The following LPCAT1 variants were observed in gnomAD, a reference collection of about 807,000 sequenced individuals.
LPCAT1 encodes the protein 1-acylglycerol-3-phosphate O-acyltransferase.
A neutral mutation model predicts 60.9 loss-of-function variants in LPCAT1; 23 were observed. That is an observed-to-expected ratio of 0.38 (90% CI 0.27 to 0.53). LPCAT1 has a LOEUF of 0.53. LPCAT1 is among the 20% of genes least tolerant of loss of function. The probability of loss-of-function intolerance (pLI) is 0.82; values close to 1 mark genes in which losing one functional copy is unlikely to be tolerated. For missense variants in LPCAT1, 622 were observed against 723.6 expected (o/e 0.86, Z 1.61); for synonymous variants, 340 against 301.1 (o/e 1.13, Z -1.34).
At chr5:1,503,127 AGAT>A (rs1736076477) in intron 1 of LPCAT1, among the ~76,000 whole-genome samples, 1 of 152,150 alleles carries the variant, frequency 6.6e-6, no homozygotes, top group South Asian at 2.1e-4. Flanking sequence ...ACGCAGATCT[AGAT>A]GATGTTTGGT....
rs1311010953 is a variant in LPCAT1 at position 1,496,760 on chromosome 5, G to A, written c.279-1846C>T. Among the ~76,000 whole-genome samples the A allele has an allele frequency of 1.3e-5, 2 of 152,190 alleles. No homozygotes were observed. The highest frequency in any genetic ancestry group is 2.9e-5 in the Non-Finnish European group (2 of 68,040). On this transcript the variant is annotated intron_variant, in intron 2 of 13. Transcript: ENST00000283415. This position sits in a 1 kb window ranked among gnomAD's most constrained non-coding sequence, Gnocchi z 4.7. ...AATTTTATACCCAAACTATCCACAT[G>A]TGAAAACCCGGACTGCTGGTGTGGA... is the stretch of plus-strand genomic sequence containing the variant.
intron 1 of LPCAT1, among the ~76,000 whole-genome samples, chr5:1,504,675 T>C (rs1352383273): frequency 1.3e-5 from 2 of 149,642 alleles, no homozygotes; most frequent in Non-Finnish European, 2.9e-5. Flanking sequence ...GATCGCGCCA[T>C]TGCGCTCTAG....
Position 1,481,838 on chromosome 5 carries a change from T to C in LPCAT1, c.727-862A>G, listed in dbSNP as rs1735155169. ...GGAAGAGGTCTTTCAGTCGTGTGACTACCGGCCCTGACTCCATTTTATTAC... is the reference window on the plus strand; with the variant it reads ...GGAAGAGGTCTTTCAGTCGTGTGACCACCGGCCCTGACTCCATTTTATTAC... On this transcript the variant is annotated intron_variant, in intron 6 of 13. Transcript: ENST00000283415. The surrounding 1 kb of genome is among the most constrained non-coding windows in gnomAD (Gnocchi z 7.8). 6.6e-6 allele frequency among the ~76,000 whole-genome samples: 1 copy of C among 152,244 alleles called. No individual in the cohort carries two copies. The highest frequency in any genetic ancestry group is 2.4e-5 in the African/African-American group (1 of 41,464).
intron 5 of LPCAT1, among the ~76,000 whole-genome samples, chr5:1,485,135 A>G (rs1224714824): frequency 6.6e-6 from 1 of 152,198 alleles, no homozygotes; most frequent in Non-Finnish European, 1.5e-5. Flanking sequence ...TCAGCCGACC[A>G]TCCCGACCAT....
chr5:1,520,860 C>CAAAAAAAA (rs59074953), intron 1 of LPCAT1, among the ~76,000 whole-genome samples: 4 of 82,038 alleles, frequency 4.9e-5, no homozygotes, highest in African/African-American at 1.5e-4. Context: ...GAGACTGTCT[C>CAAAAAAAA]AAAAAAAAAA....
rs1335996146 is a variant in LPCAT1 at position 1,480,878 on chromosome 5, C to G, written c.761+64G>C. 2.6e-5 allele frequency: 42 copies of G among 1,593,924 alleles called. No homozygotes were observed. Among genetic ancestry groups the G allele is most frequent in the Admixed American group, 5.0e-5 (3 of 59,960 alleles). On this transcript the variant is annotated intron_variant, in intron 7 of 13. Transcript: ENST00000283415. This position sits in a 1 kb window ranked among gnomAD's most constrained non-coding sequence, Gnocchi z 6.4. ...AAGTAACTAGCGTGCACAGCAGACC[C>G]CAAGCAGCCCCTACGTGTTCATGGA...
chr5:1,494,011 G>A (rs1735685643), intron 3 of LPCAT1, among the ~76,000 whole-genome samples: 1 of 152,242 alleles, frequency 6.6e-6, no homozygotes, highest in African/African-American at 2.4e-5. Flanking sequence ...AGGCAGGAAG[G>A]GGCCGCACAG....
rs1279088940 is a variant in LPCAT1, at chr5:1,487,746, G to T, written c.667+645C>A. Among the ~76,000 whole-genome samples the T allele has an allele frequency of 6.6e-6, 1 of 152,100 alleles. No individual in the cohort carries two copies. The highest frequency in any genetic ancestry group is 6.6e-5 in the Admixed American group (1 of 15,260). ...CTACTTTCTAAAGTAGCCCAAGGGA[G>T]ACGACAGGATCCAGGTGGACCCTCT... is the stretch of plus-strand genomic sequence containing the variant. On this transcript the variant is annotated intron_variant, in intron 5 of 13. Coordinates refer to ENST00000283415, the MANE Select transcript of LPCAT1 (RefSeq NM_024830.5). This position sits in a 1 kb window ranked among gnomAD's most constrained non-coding sequence, Gnocchi z 6.1.
Position 1,480,075 on chromosome 5 carries a change from A to T in LPCAT1, c.762-400T>A, listed in dbSNP as rs533373034. Among the ~76,000 whole-genome samples the T allele has an allele frequency of 2.0e-5, 3 of 151,752 alleles. No individual in the cohort carries two copies. The South Asian group carries it at 6.3e-4, about 32-fold the overall frequency. On this transcript the variant is annotated intron_variant, in intron 7 of 13. Coordinates refer to ENST00000283415, the MANE Select transcript of LPCAT1 (RefSeq NM_024830.5). The surrounding 1 kb of genome is among the most constrained non-coding windows in gnomAD (Gnocchi z 6.4). The stretch of plus-strand genomic sequence containing the variant: ...AGTTCCCAACCTCAGAACCAGGATC[A>T]CCATGCCTTTGCCGCAGGAGTTGAC...
intron 3 of LPCAT1, among the ~76,000 whole-genome samples, chr5:1,491,807 T>G (rs1043009127): frequency 6.6e-5 from 10 of 152,180 alleles, no homozygotes; most frequent in Non-Finnish European, 1.5e-4. Context: ...AAACTAAGAA[T>G]GTGAAAAGGA....
At chr5:1,491,708 C>T (rs977889409) in intron 3 of LPCAT1, among the ~76,000 whole-genome samples, 4 of 152,162 alleles carry the variant, frequency 2.6e-5, no homozygotes, top group East Asian at 1.9e-4. Flanking sequence ...AAGGTGACAG[C>T]GTTCTGCCGT....
chr5:1,511,108 C>G (rs551452198), intron 1 of LPCAT1, among the ~76,000 whole-genome samples: 216 of 152,314 alleles, frequency 1.4e-3, no homozygotes, highest in Middle Eastern at 0.01. Context: ...GCCCCATATC[C>G]CAGCAAGAAG....
rs1735249144 is a variant in LPCAT1 at position 1,483,607 on chromosome 5, A to T, written c.668-121T>A. The T allele has an allele frequency of 3.2e-6, 3 of 932,024 alleles. No individual in the cohort carries two copies. In the East Asian group the frequency reaches 7.3e-5, roughly 23 times the overall value. The allele number at this position is 932,024 out of a possible 1,614,324, so 57.7% of individuals were successfully genotyped here. A position where few individuals can be genotyped will look rare whatever the true frequency, so the allele number is the denominator to read the frequency against. On this transcript the variant is annotated intron_variant, in intron 5 of 13. Coordinates refer to ENST00000283415, the MANE Select transcript of LPCAT1 (RefSeq NM_024830.5). This position sits in a 1 kb window ranked among gnomAD's most constrained non-coding sequence, Gnocchi z 9.2. ...TTCTGTCTAGGCCTTCCTGGTCAGC[A>T]AGGGCACTCCATGCCTGGACTATCT...
intron 13 of LPCAT1, among the ~76,000 whole-genome samples, chr5:1,465,194 C>T (rs951825996): frequency 4.1e-5 from 6 of 145,236 alleles, no homozygotes; most frequent in Admixed American, 1.4e-4. Context: ...CGCACGCGCA[C>T]ACAGTAACTA....
At chr5:1,510,932 C>T (rs777020607) in intron 1 of LPCAT1, 3 of 152,336 alleles carry the variant, frequency 2.0e-5, no homozygotes, top group Non-Finnish European at 4.4e-5. Flanking sequence ...GGCCGCTCTC[C>T]GCAGCGTGGG....
intron 1 of LPCAT1, among the ~76,000 whole-genome samples, chr5:1,506,469 C>T (rs888744673): frequency 2.0e-5 from 3 of 152,366 alleles, no homozygotes; most frequent in Non-Finnish European, 2.9e-5. Context: ...GCCTCAGGCA[C>T]ACCCATTGGG....
intron 13 of LPCAT1, among the ~76,000 whole-genome samples, chr5:1,466,270 CCA>C (rs1202872850): frequency 6.6e-6 from 1 of 152,190 alleles, no homozygotes; most frequent in Non-Finnish European, 1.5e-5. Flanking sequence ...CATCAGATGT[CCA>C]CAGACAGGTG....
At chr5:1,484,740 G>A (rs543584250) in intron 5 of LPCAT1, among the ~76,000 whole-genome samples, 39 of 152,360 alleles carry the variant, frequency 2.6e-4, no homozygotes, top group African/African-American at 8.4e-4. Flanking sequence ...CTCAGCTTTC[G>A]TCTCATGCAG....
In LPCAT1 at chr5:1,521,622, C is replaced by G. The variant is rs1040361446; in HGVS notation, c.135+2088G>C. ...CATTGCAGACATCCAGCAGAAACGA[C>G]TGGATGTACAAACACACCTAATTCC... On this transcript the variant is annotated intron_variant, in intron 1 of 13. Transcript: ENST00000283415. This position sits in a 1 kb window ranked among gnomAD's most constrained non-coding sequence, Gnocchi z 4.3. 2.1e-5 allele frequency: 6 copies of G among 286,286 alleles called. No individual in the cohort carries two copies. Among genetic ancestry groups the G allele is most frequent in the African/African-American group, 1.4e-4 (6 of 43,764 alleles). The allele number at this position is 286,286 out of a possible 1,614,324, so 17.7% of individuals were successfully genotyped here. A position where few individuals can be genotyped will look rare whatever the true frequency, so the allele number is the denominator to read the frequency against.
Sources: allele counts gnomAD v4.1 joint callset (sites outside exome capture counted in the v4.1 genomes callset), GRCh38; gene constraint gnomAD v4.1.1; non-coding constraint Gnocchi (gnomAD v3.1); transcripts MANE v1.5; gene names NCBI Gene and HGNC (gene_info 2026-07-23, HGNC 2026-07-21).